Variants in CECR2 observed in about 807,000 individuals in gnomAD.
CECR2 encodes the protein chromatin remodeling regulator CECR2.
A neutral mutation model predicts 154.5 loss-of-function variants in CECR2; 30 were observed. The observed-to-expected ratio is 0.19, with a 90% CI of 0.15 to 0.26. The LOEUF is 0.26. CECR2 is among the 10% of genes least tolerant of loss of function. The pLI, the probability that CECR2 is intolerant of heterozygous loss-of-function variation, is 1.00. For missense variants in CECR2, 1,743 were observed against 1,829.3 expected (o/e 0.95, Z 0.86); for synonymous variants, 725 against 683.7 (o/e 1.06, Z -0.94).
rs760057860 is a variant in CECR2, at chr22:17,548,895, A to G, written c.3608A>G (p.Tyr1203Cys). The G allele has an allele frequency of 1.1e-5, 18 of 1,613,154 alleles. No homozygotes were observed. Among genetic ancestry groups the G allele is most frequent in the Non-Finnish European group, 1.4e-5 (16 of 1,179,514 alleles). ...SYHHYQRTPY[Y>C]ACPQSFSDWQ... ...CACCACTATCAGCGAACTCCTTACTATGCCTGTCCACAGAGCTTTTCTGAC... is the reference window on the plus strand; with the variant it reads ...CACCACTATCAGCGAACTCCTTACTGTGCCTGTCCACAGAGCTTTTCTGAC... The change falls in exon 17 of 19, where the codon TAT (tyrosine) becomes TGT (cysteine). Residue 1203 changes from tyrosine (Y) to cysteine (C), a missense_variant. By Grantham distance (194) the Tyr-to-Cys change is radical. Around this residue, in one of 4 missense-constraint regions of CECR2, gnomAD observed 1,250 missense variants for 1,192.1 expected, o/e 1.05. Transcript: ENST00000262608.
At chr22:17,453,292 A>G (rs1285832624) in intron 1 of CECR2, among the ~76,000 whole-genome samples, 1 of 152,136 alleles carries the variant, frequency 6.6e-6, no homozygotes, top group Non-Finnish European at 1.5e-5. Context: ...AAATACAAAA[A>G]TTAACTGGAC....
Position 17,432,498 on chromosome 22 carries a change from A to G in CECR2, c.127-45090A>G, listed in dbSNP as rs545003013. ...TTCTCTTGGGTCTATAGCTAGTTGA[A>G]TTTCTGGGTCATATGATTACTGTGT... On this transcript the variant is annotated intron_variant, in intron 1 of 18. Transcript: ENST00000262608. Among the ~76,000 whole-genome samples, 6 of 152,252 alleles carry G rather than the reference A, an allele frequency of 3.9e-5. No individual in the cohort carries two copies. The South Asian group carries it at 6.2e-4, about 16-fold the overall frequency.
rs191892595 is a variant in CECR2 at position 17,511,610 on chromosome 22, G to C, written c.871-203G>C. Among the ~76,000 whole-genome samples the C allele has an allele frequency of 7.3e-5, 11 of 151,032 alleles. No individual in the cohort carries two copies. In the East Asian group the frequency reaches 1.9e-3, roughly 27 times the overall value. On this transcript the variant is annotated intron_variant, in intron 7 of 18. Coordinates refer to ENST00000262608, the MANE Select transcript of CECR2 (RefSeq NM_001290047.2). Reference sequence around the variant, plus strand: ...GACACTTGTTTGTCTCCAAGTTTTTGTTTTTATTTTTTCAAGAGAATAAAC... The same window carrying C: ...GACACTTGTTTGTCTCCAAGTTTTTCTTTTTATTTTTTCAAGAGAATAAAC...
intron 8 of CECR2, among the ~76,000 whole-genome samples, chr22:17,516,269 A>G (rs578118084): frequency 1.4e-5 from 2 of 141,942 alleles, no homozygotes; most frequent in Non-Finnish European, 3.2e-5. Context: ...ACATACATAT[A>G]CACATTTATT....
chr22:17,483,564 C>T (rs920943739), intron 2 of CECR2, among the ~76,000 whole-genome samples: 2 of 151,752 alleles, frequency 1.3e-5, no homozygotes, highest in African/African-American at 4.8e-5. Context: ...AGCTACGGTC[C>T]CTACTGCACT....
Position 17,499,597 on chromosome 22 carries a change from A to G in CECR2, c.545+48A>G, listed in dbSNP as rs759291343. ...ATGATAGCTACTGTATTAAAATGTC[A>G]TTAAGATTAAATGCATCAGAATTCT... On this transcript the variant is annotated intron_variant, in intron 4 of 18. Transcript: ENST00000262608. 48 of 1,527,780 alleles carry G rather than the reference A, an allele frequency of 3.1e-5. 1 individual carries two copies. The highest frequency in any genetic ancestry group is 8.8e-5 in the South Asian group (7 of 79,662). The allele number at this position is 1,527,780 out of a possible 1,614,324, so 94.6% of individuals were successfully genotyped here. A position where few individuals can be genotyped will look rare whatever the true frequency, so the allele number is the denominator to read the frequency against.
chr22:17,490,268 G>C (rs1372671496), intron 2 of CECR2, among the ~76,000 whole-genome samples: 1 of 151,848 alleles, frequency 6.6e-6, no homozygotes, highest in Non-Finnish European at 1.5e-5. Context: ...GTGGTGTCCT[G>C]TTATTGGATG....
intron 1 of CECR2, among the ~76,000 whole-genome samples, chr22:17,413,418 C>T (rs1031474350): frequency 5.9e-5 from 9 of 152,066 alleles, no homozygotes; most frequent in Non-Finnish European, 1.0e-4. Context: ...GTGTCTTGGC[C>T]GTGATTACCT....
At chr22:17,379,283 A>G (rs1230670107) in intron 1 of CECR2, among the ~76,000 whole-genome samples, 3 of 152,038 alleles carry the variant, frequency 2.0e-5, no homozygotes, top group Non-Finnish European at 4.4e-5. Context: ...TCTTTCCTAG[A>G]ACGTCATTTA....
chr22:17,461,792 CTTTTTT>C (rs145094879), intron 1 of CECR2, among the ~76,000 whole-genome samples: 1 of 137,188 alleles, frequency 7.3e-6, no homozygotes. Flanking sequence ...GTACCCGTTA[CTTTTTT>C]TTTTTTTTTT....
At chr22:17,522,507 A>G (rs2056175786) in intron 8 of CECR2, among the ~76,000 whole-genome samples, 1 of 152,194 alleles carries the variant, frequency 6.6e-6, no homozygotes, top group Non-Finnish European at 1.5e-5. Context: ...CATCCACCAT[A>G]TTGAAACTGG....
intron 14 of CECR2, 137 bp downstream of exon 14, chr22:17,540,937 C>T (rs2056514259): frequency 1.0e-6 from 1 of 981,678 alleles, no homozygotes; most frequent in Non-Finnish European, 1.4e-6. Flanking sequence ...GTCCTTTGTT[C>T]ATGTGATTTT....
intron 1 of CECR2, among the ~76,000 whole-genome samples, chr22:17,460,720 T>G (rs2054924857): frequency 6.6e-6 from 1 of 152,214 alleles, no homozygotes; most frequent in Non-Finnish European, 1.5e-5. Context: ...CCCGGTATCC[T>G]TATGTCCCAG....
chr22:17,380,615 C>G (rs1281764457), intron 1 of CECR2, among the ~76,000 whole-genome samples: 1 of 152,168 alleles, frequency 6.6e-6, no homozygotes, highest in African/African-American at 2.4e-5. Flanking sequence ...GCTGTCAGAA[C>G]AGACTGTGTG....
At chr22:17,460,564 C>G (rs1362068938) in intron 1 of CECR2, among the ~76,000 whole-genome samples, 3 of 152,184 alleles carry the variant, frequency 2.0e-5, no homozygotes. Context: ...TTCCTGTACT[C>G]CCCAGTGACC....
chr22:17,388,493 G>T (rs888597018), intron 1 of CECR2, among the ~76,000 whole-genome samples: 2 of 152,136 alleles, frequency 1.3e-5, no homozygotes, highest in Non-Finnish European at 2.9e-5. Context: ...AGGAAAATGC[G>T]GAGGCATTTT....
In CECR2 at chr22:17,541,176, G is replaced by C. The variant is rs141679723; in HGVS notation, c.1884+376G>C. On this transcript the variant is annotated intron_variant, in intron 14 of 18. Transcript: ENST00000262608. ...TTGGGATTAAAAAATATGTAATCTG[G>C]CTGGGCGCAGTGGCCCACTCTTGCA... is the stretch of plus-strand genomic sequence containing the variant. Among the ~76,000 whole-genome samples the C allele has an allele frequency of 1.2e-4, 18 of 152,262 alleles. No homozygotes were observed. The East Asian group carries it at 2.9e-3, about 25-fold the overall frequency.
intron 1 of CECR2, among the ~76,000 whole-genome samples, chr22:17,443,570 A>G (rs1306730348): frequency 6.6e-6 from 1 of 152,138 alleles, no homozygotes; most frequent in Non-Finnish European, 1.5e-5. Context: ...AAAAAAAGTT[A>G]CTGCTTAAAA....
At chr22:17,364,082 A>T (rs186489069) in intron 1 of CECR2, among the ~76,000 whole-genome samples, 1 of 151,960 alleles carries the variant, frequency 6.6e-6, no homozygotes, top group African/African-American at 2.4e-5. Context: ...GGTGGCTCAT[A>T]CCTGTAATCC....
Sources: allele counts gnomAD v4.1 joint callset (sites outside exome capture counted in the v4.1 genomes callset), GRCh38; gene constraint gnomAD v4.1.1; regional missense constraint gnomAD v4.1.1; transcripts MANE v1.5; gene names NCBI Gene and HGNC (gene_info 2026-07-23, HGNC 2026-07-21).